Variants in MACF1 observed in about 807,000 individuals in gnomAD.
The protein encoded by MACF1 is microtubule-actin cross-linking factor 1.
Under a neutral mutation model 854.8 loss-of-function variants are expected in MACF1, and 193 were observed. The ratio of observed to expected loss-of-function variants is 0.23; its 90% CI spans 0.20 to 0.25. MACF1 has a LOEUF of 0.25. Among genes scored for constraint, MACF1 ranks in the 10% least tolerant of loss-of-function variants. The pLI, the probability that MACF1 is intolerant of heterozygous loss-of-function variation, is 1.00. For synonymous variants in MACF1, 3,185 were observed against 3,226.7 expected (o/e 0.99, Z 0.44); for missense variants, 7,722 against 8,929.1 (o/e 0.86, Z 5.45).
At chr1:39,171,782 C>G (rs138900658) in intron 2 of MACF1, among the ~76,000 whole-genome samples, 1 of 152,110 alleles carries the variant, frequency 6.6e-6, no homozygotes, top group Non-Finnish European at 1.5e-5. Context: ...CCCGCCACCA[C>G]GCCCGGCTAA....
At chr1:39,285,008 A>C in intron 11 of MACF1, 75 bp from the exon 12 acceptor site, 1 of 1,563,874 alleles carries the variant, frequency 6.4e-7, no homozygotes. Context: ...GCAAGAAGTG[A>C]TGTGCAAATA....
intron 95 of MACF1, among the ~76,000 whole-genome samples, chr1:39,466,368 A>C (rs912699539): frequency 6.6e-6 from 1 of 152,310 alleles, no homozygotes; most frequent in African/African-American, 2.4e-5. Context: ...TGGCTTGGTC[A>C]AACCTCCTTT....
rs141593854 is a variant in MACF1, at chr1:39,345,795, G to A, written c.10582-1182G>A. On this transcript the variant is annotated intron_variant, in intron 40 of 100. Transcript: ENST00000564288. ...TTTTTTAAAAGATTGATGGCCGGGC[G>A]TGTGGCTCACGCCTGTAATCTCAGC... Among the ~76,000 whole-genome samples the A allele has an allele frequency of 4.4e-3, 662 of 151,962 alleles. 5 individuals are homozygous for A. Among genetic ancestry groups the A allele is most frequent in the African/African-American group, 0.014 (597 of 41,434 alleles).
intron 6 of MACF1, among the ~76,000 whole-genome samples, chr1:39,264,043 G>A: frequency 6.6e-6 from 1 of 152,014 alleles, no homozygotes; most frequent in East Asian, 1.9e-4. Context: ...AAAGTACTGG[G>A]ATTACAGGCA....
chr1:39,146,666 A>C (rs1446396987), intron 2 of MACF1, among the ~76,000 whole-genome samples: 1 of 152,056 alleles, frequency 6.6e-6, no homozygotes, highest in African/African-American at 2.4e-5. Flanking sequence ...ACTCATGAGG[A>C]TAGAGAGTAG....
At chr1:39,245,866 C>T (rs1248965375) in intron 2 of MACF1, among the ~76,000 whole-genome samples, 1 of 152,092 alleles carries the variant, frequency 6.6e-6, no homozygotes, top group Non-Finnish European at 1.5e-5. Context: ...TCCTTAATGT[C>T]AAGTATGTAA....
Position 39,429,929 on chromosome 1 carries a change from C to T in MACF1, c.16991C>T (p.Ala5664Val). Residue 5664 changes from alanine to valine, a missense_variant, in exon 65 of 101, where the codon GCC (alanine) becomes GTC (valine). Coordinates refer to ENST00000564288, the MANE Select transcript of MACF1 (RefSeq NM_001394062.1). ...SSKALRTLEQ[A>V]RQLATKFQST... Reference sequence around the variant, plus strand: ...AAGGCCCTCAGAACTTTAGAGCAAGCCCGGCAGCTGGCCACCAAGTTCCAG... The same window carrying T: ...AAGGCCCTCAGAACTTTAGAGCAAGTCCGGCAGCTGGCCACCAAGTTCCAG... 1 of 1,614,098 alleles carries T rather than the reference C, an allele frequency of 6.2e-7. No homozygotes were observed. Among genetic ancestry groups the T allele is most frequent in the Non-Finnish European group, 8.5e-7 (1 of 1,180,018 alleles).
At position 39,447,574 on chromosome 1, in the gene MACF1, T is replaced by A. The variant is rs771647589; in HGVS notation, c.19748T>A (p.Ile6583Lys). 6.2e-7 allele frequency: 1 copy of A among 1,614,064 alleles called. No homozygotes were observed. Among genetic ancestry groups the A allele is most frequent in the African/African-American group, 1.3e-5 (1 of 74,932 alleles). Residue 6583 changes from isoleucine (I) to lysine (K), a missense_variant, in exon 81 of 101, where the codon ATA (isoleucine) becomes AAA (lysine). Ile to Lys is a moderately radical substitution (Grantham distance 102, BLOSUM62 -3). This residue lies in a region of MACF1 where 729 missense variants were observed against 900.5 expected (regional missense o/e 0.81). Coordinates refer to ENST00000564288, the MANE Select transcript of MACF1 (RefSeq NM_001394062.1). ...ATTCTAAATACTGTCCTTTCCCAGA[T>A]AGAAGAGCACAAGGTAAGTATGATA... ...SLILNTVLSQ[I>K]EEHKVFANEV...
chr1:39,189,026 T>C (rs1290494), intron 2 of MACF1, among the ~76,000 whole-genome samples: 144,439 of 152,314 alleles, frequency 0.95, 68,585 homozygotes, highest in East Asian at 1. Flanking sequence ...GCGTGAGCCA[T>C]CATGCCCGGC....
rs35203410 is a variant in MACF1 at position 39,182,150 on chromosome 1, T to TA, written c.221-49015dup. ...TGGGCAACAGAGCAAGACTCCACCT[T>TA]AAAAAAAAAAAAAAAAAGAATTTAA... On this transcript the variant is annotated intron_variant, in intron 2 of 93. Coordinates refer to the MACF1 transcript ENST00000361689. 6.9e-3 allele frequency among the ~76,000 whole-genome samples: 839 copies of TA among 122,276 alleles called. 12 individuals are homozygous for TA. The highest frequency in any genetic ancestry group is 0.062 in the East Asian group (270 of 4,330). The allele number at this position is 122,276 out of a possible 152,430, so 80.2% of individuals were successfully genotyped here.
chr1:39,276,030 G>T (rs573665433), intron 6 of MACF1, among the ~76,000 whole-genome samples: 1 of 151,592 alleles, frequency 6.6e-6, no homozygotes. Flanking sequence ...AACGATCCTC[G>T]TGCCTCAACT....
intron 24 of MACF1, 86 bp downstream of exon 24, chr1:39,309,782 C>A: frequency 6.9e-7 from 1 of 1,455,818 alleles, no homozygotes; most frequent in African/African-American, 1.4e-5. Flanking sequence ...TGAGACTTTT[C>A]CCCACCCAAA....
intron 2 of MACF1, among the ~76,000 whole-genome samples, chr1:39,116,319 C>T (rs184169263): frequency 6.6e-6 from 1 of 151,976 alleles, no homozygotes; most frequent in African/African-American, 2.4e-5. Context: ...CTCATACTCT[C>T]TCTATGAAGT....
chr1:39,370,222 G>A, intron 51 of MACF1, 36 bp downstream of exon 51: 1 of 1,563,662 alleles, frequency 6.4e-7, no homozygotes. Context: ...ATTGGGCTAG[G>A]CACTGGTTTG....
chr1:39,106,886 A>G (rs148566207), intron 2 of MACF1, among the ~76,000 whole-genome samples: 68 of 150,070 alleles, frequency 4.5e-4, no homozygotes, highest in African/African-American at 1.6e-3. Flanking sequence ...GCGAAAAAAG[A>G]CCTACTAGGG....
At chr1:39,340,754 T>C (rs1464532946) in intron 39 of MACF1, 37 bp downstream of exon 39, 1 of 1,612,480 alleles carries the variant, frequency 6.2e-7, no homozygotes, top group South Asian at 1.1e-5. Flanking sequence ...GCTCACAAAG[T>C]CTGGGTGGCT....
intron 13 of MACF1, 34 bp from the exon 14 acceptor site, chr1:39,285,570 G>T (rs1485504219): frequency 6.2e-7 from 1 of 1,605,016 alleles, no homozygotes; most frequent in South Asian, 1.1e-5. Context: ...GGCAATGGAA[G>T]TTTTCCCACT....
chr1:39,387,166 A>C (rs771785163), intron 57 of MACF1, 21 bp from the exon 58 acceptor site: 8 of 1,605,236 alleles, frequency 5.0e-6, no homozygotes, highest in Non-Finnish European at 6.8e-6. Context: ...TATTGATTTC[A>C]ATTTTATTTT....
rs1645023447 is a variant in MACF1, at chr1:39,250,074, C to T, written c.232C>T (p.Leu78=). Residue 78 remains leucine, a synonymous_variant, in exon 3 of 101, where the codon CTG becomes TTG. Coordinates refer to ENST00000564288, the MANE Select transcript of MACF1 (RefSeq NM_001394062.1). The part of the protein sequence containing the change: ...DLRDGHNLIS[L]LEVLSGIKLE... ...GCGGGATGGCCATAACCTGATCTCT[C>T]TGTTGGAGGTCCTCTCAGGCATCAA... 9 of 1,613,720 alleles carry T rather than the reference C, an allele frequency of 5.6e-6. No homozygotes were observed. The highest frequency in any genetic ancestry group is 7.6e-6 in the Non-Finnish European group (9 of 1,179,684).
Sources: allele counts gnomAD v4.1 joint callset (sites outside exome capture counted in the v4.1 genomes callset), GRCh38; gene constraint gnomAD v4.1.1; regional missense constraint gnomAD v4.1.1; transcripts MANE v1.5; gene names NCBI Gene and HGNC (gene_info 2026-07-23, HGNC 2026-07-21).